The following UBA2 variants were observed in gnomAD, a reference collection of about 807,000 sequenced individuals.
The protein encoded by UBA2 is SUMO-activating enzyme subunit 2.
UBA2 carries 11 observed loss-of-function variants against 77.2 expected under a neutral mutation model. The observed-to-expected ratio is 0.14, with a 90% CI of 0.09 to 0.24. UBA2 has a LOEUF of 0.24. Among genes scored for constraint, UBA2 ranks in the 10% least tolerant of loss-of-function variants. The pLI, the probability that UBA2 is intolerant of heterozygous loss-of-function variation, is 1.00. For synonymous variants in UBA2, 278 were observed against 276.7 expected, an observed-to-expected ratio of 1.00 and a Z score of -0.05; for missense variants, 487 against 781.7, an observed-to-expected ratio of 0.62 and a Z score of 4.50.
chr19:34,438,236 ACAC>A (rs1309416433), intron 5 of UBA2, among the ~76,000 whole-genome samples: 1 of 143,784 alleles, frequency 7.0e-6, no homozygotes, highest in Non-Finnish European at 1.5e-5. Flanking sequence ...AAAAAAAAAA[ACAC>A]ATATAAGAAA....
chr19:34,456,100 C>CTTTTTTTTTTTTTTT lies in UBA2; in HGVS notation c.1245+1549_1245+1550insTTTTTTTTTTTTTTT, dbSNP rs869118014. ...CCCGATGCGCTCTTTTTTTCCTTTT[C>CTTTTTTTTTTTTTTT]TTTTTCTTTTTTTTTTTTTTTTTTG... On this transcript the variant is annotated intron_variant, in intron 12 of 16. Transcript: ENST00000246548. Among the ~76,000 whole-genome samples the CTTTTTTTTTTTTTTT allele has an allele frequency of 5.3e-3, 297 of 55,778 alleles. 86 individuals are homozygous for CTTTTTTTTTTTTTTT. In the East Asian group the frequency reaches 0.057, roughly 11 times the overall value. The allele number at this position is 55,778 out of a possible 152,430, so 36.6% of individuals were successfully genotyped here.
chr19:34,446,597 CTTTT>C (rs1202288406), intron 8 of UBA2, among the ~76,000 whole-genome samples: 1 of 100,242 alleles, frequency 1.0e-5, no homozygotes, highest in East Asian at 3.5e-4. Context: ...CACATGTTGA[CTTTT>C]TTTTTTCTTT....
At position 34,469,316 on chromosome 19, in the gene UBA2, A is replaced by G; in HGVS notation, c.*95A>G. 1.7e-6 allele frequency: 2 copies of G among 1,204,380 alleles called. No homozygotes were observed. Among genetic ancestry groups the G allele is most frequent in the Non-Finnish European group, 2.2e-6 (2 of 907,756 alleles). The allele number at this position is 1,204,380 out of a possible 1,614,324, so 74.6% of individuals were successfully genotyped here. A position where few individuals can be genotyped will look rare whatever the true frequency, so the allele number is the denominator to read the frequency against. ...TTTGTTCCAAAGGGAAAAAATTGAC[A>G]GCAGTGACTTGAAAATGATTCTGCT... On this transcript the variant is annotated 3_prime_UTR_variant, in exon 17 of 17. Transcript: ENST00000246548.
At chr19:34,445,509 G>A (rs1336220085) in intron 8 of UBA2, among the ~76,000 whole-genome samples, 1 of 149,190 alleles carries the variant, frequency 6.7e-6, no homozygotes, top group Non-Finnish European at 1.5e-5. Context: ...GCACGATCTC[G>A]GCTCACTGCA....
At chr19:34,444,748 A>C (rs1315605654) in intron 7 of UBA2, among the ~76,000 whole-genome samples, 1 of 152,298 alleles carries the variant, frequency 6.6e-6, no homozygotes, top group East Asian at 1.9e-4. Context: ...TAGAAGCTAC[A>C]GTGAGCCGAG....
At chr19:34,461,749 G>A (rs2075633331) in intron 14 of UBA2, among the ~76,000 whole-genome samples, 1 of 152,220 alleles carries the variant, frequency 6.6e-6, no homozygotes, top group African/African-American at 2.4e-5. Flanking sequence ...ACCTTGGCTT[G>A]AAGTGCCTTG....
rs924152899 is a variant in UBA2, at chr19:34,470,242, G to C, written c.*1021G>C. ...CTATTGCTACTCCAGCCAGGGCGAT[G>C]AGTGAAACTCCATCTCAAAAAAGGT... On this transcript the variant is annotated 3_prime_UTR_variant, in exon 17 of 17. Transcript: ENST00000246548. 6.6e-6 allele frequency: 1 copy of C among 152,218 alleles called. No homozygotes were observed. Among genetic ancestry groups the C allele is most frequent in the African/African-American group, 2.4e-5 (1 of 41,436 alleles). 9.4% of individuals were successfully genotyped at this position (152,218 alleles called of 1,614,324 possible). A position where few individuals can be genotyped will look rare whatever the true frequency, so the allele number is the denominator to read the frequency against.
intron 16 of UBA2, among the ~76,000 whole-genome samples, chr19:34,468,349 A>C (rs1225026201): frequency 6.6e-6 from 1 of 152,140 alleles, no homozygotes; most frequent in Non-Finnish European, 1.5e-5. Context: ...AAGGTCCGTC[A>C]TCTTCCTTTG....
intron 15 of UBA2, among the ~76,000 whole-genome samples, chr19:34,466,167 C>T (rs893677832): frequency 6.6e-6 from 1 of 151,990 alleles, no homozygotes; most frequent in African/African-American, 2.4e-5. Context: ...AACCCTGTCT[C>T]TACTAAAAAT....
chr19:34,445,924 A>G (rs927527022), intron 8 of UBA2, among the ~76,000 whole-genome samples: 1 of 152,064 alleles, frequency 6.6e-6, no homozygotes, highest in Non-Finnish European at 1.5e-5. Context: ...GGGTCTACCT[A>G]ATTATTGTTC....
intron 1 of UBA2, chr19:34,428,795 G>T: frequency 8.7e-7 from 1 of 1,152,484 alleles, no homozygotes; most frequent in Non-Finnish European, 1.1e-6. Flanking sequence ...CGGACGCCGA[G>T]GAGGCCGCGG....
chr19:34,454,604 A>C (rs2075538020), intron 12 of UBA2, 48 bp downstream of exon 12: 1 of 970,492 alleles, frequency 1.0e-6, no homozygotes. Context: ...TAAAAAAATC[A>C]TTAATTAAAA....
intron 6 of UBA2, among the ~76,000 whole-genome samples, chr19:34,442,585 C>T (rs1036699763): frequency 9.2e-5 from 14 of 152,142 alleles, no homozygotes; most frequent in African/African-American, 2.9e-4. Context: ...GCGTCTGCCA[C>T]CACGCCCAGC....
intron 15 of UBA2, 82 bp from the exon 16 acceptor site, chr19:34,466,796 G>A: frequency 7.8e-7 from 1 of 1,288,738 alleles, no homozygotes; most frequent in Admixed American, 1.7e-5. Context: ...CATAGTGTAT[G>A]CTTTGAGGAA....
intron 15 of UBA2, among the ~76,000 whole-genome samples, chr19:34,465,434 C>T (rs1282748708): frequency 6.6e-6 from 1 of 151,908 alleles, no homozygotes; most frequent in East Asian, 1.9e-4. Flanking sequence ...GTCAGGAGTT[C>T]AAGACCAGCC....
chr19:34,440,851 G>A (rs969698717), intron 6 of UBA2, among the ~76,000 whole-genome samples: 4 of 151,456 alleles, frequency 2.6e-5, no homozygotes, highest in East Asian at 1.9e-4. Flanking sequence ...GCTTGAACCC[G>A]GGAGGTGGAG....
intron 8 of UBA2, among the ~76,000 whole-genome samples, chr19:34,446,116 C>T (rs909228518): frequency 6.6e-6 from 1 of 152,006 alleles, no homozygotes; most frequent in African/African-American, 2.4e-5. Flanking sequence ...TGGGTTCAAG[C>T]GATCCTCCAG....
At chr19:34,443,970 T>A in intron 7 of UBA2, 59 bp downstream of exon 7, 1 of 1,269,714 alleles carries the variant, frequency 7.9e-7, no homozygotes, top group Non-Finnish European at 1.1e-6. Context: ...TTTGTTGATT[T>A]AATTTTGGTA....
rs983728938 is a variant in UBA2, at chr19:34,444,869, T to C, written c.650-131T>C. ...TGCTGATGAATGTGTTATTTTCTTA[T>C]TCCTTGAACTCAGAATGTGTTGCAT... On this transcript the variant is annotated intron_variant, in intron 7 of 16. Transcript: ENST00000246548. The C allele has an allele frequency of 3.3e-6, 3 of 901,814 alleles. No individual in the cohort carries two copies. In the East Asian group the frequency reaches 8.1e-5, roughly 24 times the overall value. The allele number at this position is 901,814 out of a possible 1,614,324, so 55.9% of individuals were successfully genotyped here.
Sources: gnomAD v4.1 joint callset for allele counts (sites outside exome capture counted in the v4.1 genomes callset) on GRCh38, gnomAD v4.1.1 for gene constraint, MANE v1.5 for transcripts, NCBI Gene and HGNC (gene_info 2026-07-23, HGNC 2026-07-21) for gene names.